The following PCNX2 variants were observed in gnomAD, a reference collection of about 807,000 sequenced individuals.
PCNX2 encodes pecanex-like protein 2.
A neutral mutation model predicts 223.8 loss-of-function variants in PCNX2; 168 were observed. The observed-to-expected ratio is 0.75, with a 90% CI of 0.66 to 0.85. The LOEUF (loss-of-function observed/expected upper bound fraction) is 0.85, where lower values mean the gene tolerates loss of function less well. PCNX2 is among the 40% of genes least tolerant of loss of function. The pLI is 0.00. For missense variants in PCNX2, 2,507 were observed against 2,675.5 expected (o/e 0.94, Z 1.39); for synonymous variants, 1,006 against 1,052.6 (o/e 0.96, Z 0.86).
intron 23 of PCNX2, among the ~76,000 whole-genome samples, chr1:233,061,952 T>C (rs1275094953): frequency 6.6e-6 from 1 of 152,018 alleles, no homozygotes; most frequent in Non-Finnish European, 1.5e-5. Flanking sequence ...AGAGATGGGG[T>C]TTCACCATGT....
intron 23 of PCNX2, among the ~76,000 whole-genome samples, chr1:233,086,442 G>C (rs1410759974): frequency 1.3e-5 from 2 of 152,082 alleles, no homozygotes; most frequent in African/African-American, 2.4e-5. Context: ...TGGATCACAA[G>C]GTCAGGAGAT....
Position 233,139,902 on chromosome 1 carries a change from T to C in PCNX2, c.3518-47A>G, listed in dbSNP as rs775422988. The C allele has an allele frequency of 3.3e-5, 52 of 1,588,132 alleles. 3 individuals carry two copies. The South Asian group carries it at 5.6e-4, about 17-fold the overall frequency. On this transcript the variant is annotated intron_variant, in intron 19 of 33. Transcript: ENST00000258229. This position sits in a 1 kb window ranked among gnomAD's most constrained non-coding sequence, Gnocchi z 4.4. ...CTTAGAACAACCACCGATCAAAGTATTTTTCTTTAAGTACAGGTAATAATA... is the reference window on the plus strand; with the variant it reads ...CTTAGAACAACCACCGATCAAAGTACTTTTCTTTAAGTACAGGTAATAATA...
intron 22 of PCNX2, among the ~76,000 whole-genome samples, chr1:233,090,799 G>C (rs1673834136): frequency 6.6e-6 from 1 of 152,094 alleles, no homozygotes; most frequent in Non-Finnish European, 1.5e-5. Flanking sequence ...GGGCCAAGTT[G>C]CTTCTTTAGG....
intron 23 of PCNX2, among the ~76,000 whole-genome samples, chr1:233,078,881 A>G (rs911143404): frequency 2.6e-5 from 4 of 152,226 alleles, no homozygotes; most frequent in Non-Finnish European, 4.4e-5. Flanking sequence ...TATGTGTATA[A>G]TAGTTCATTT....
intron 21 of PCNX2, among the ~76,000 whole-genome samples, chr1:233,116,750 A>G (rs1194376806): frequency 6.6e-6 from 1 of 152,068 alleles, no homozygotes; most frequent in Non-Finnish European, 1.5e-5. Flanking sequence ...CCCCCCCAAA[A>G]AGAAGAGCAA....
At chr1:233,009,693 T>C (rs1356125901) in intron 28 of PCNX2, among the ~76,000 whole-genome samples, 1 of 152,154 alleles carries the variant, frequency 6.6e-6, no homozygotes, top group Admixed American at 6.5e-5. Context: ...GATTTCCAAA[T>C]CCAAGATCTA....
chr1:233,179,108 GAAAGGGCGACC>G lies in PCNX2; in HGVS notation c.3123_3133del (p.Leu1041PhefsTer10), dbSNP rs777279638. ...ACTGCTCTGACGGCTCAGATGGTAA[GAAAGGGCGACC>G]AAGAGGCCACAGAAGGCCGAAAACA... is the stretch of plus-strand genomic sequence containing the variant. On this transcript the variant is annotated frameshift_variant, in exon 16 of 34. Transcript: ENST00000258229. LOFTEE classifies it high-confidence loss of function. 2.5e-6 allele frequency: 4 copies of G among 1,613,928 alleles called. No individual in the cohort carries two copies. Among genetic ancestry groups the G allele is most frequent in the Non-Finnish European group, 3.4e-6 (4 of 1,179,848 alleles).
intron 21 of PCNX2, among the ~76,000 whole-genome samples, chr1:233,116,739 G>GC (rs1392227167): frequency 1.3e-5 from 2 of 151,628 alleles, no homozygotes; most frequent in Non-Finnish European, 2.9e-5. Context: ...CACCTCAAGA[G>GC]CCCCCCCAAA....
chr1:233,093,168 C>A (rs931394848), intron 22 of PCNX2, among the ~76,000 whole-genome samples: 1 of 152,170 alleles, frequency 6.6e-6, no homozygotes, highest in African/African-American at 2.4e-5. Flanking sequence ...AAGTAGAAAG[C>A]AGCCCTCCCA....
chr1:233,076,368 A>G (rs1475668336), intron 23 of PCNX2, among the ~76,000 whole-genome samples: 3 of 152,182 alleles, frequency 2.0e-5, no homozygotes, highest in Non-Finnish European at 2.9e-5. Context: ...AGAAACTATG[A>G]TCTTTAGCAA....
At chr1:233,107,214 A>AC (rs371695786) in intron 21 of PCNX2, among the ~76,000 whole-genome samples, 18,054 of 150,284 alleles carry the variant, frequency 0.12, 1,173 homozygotes, top group East Asian at 0.2. Flanking sequence ...CACACACACA[A>AC]AACCATGCAC....
chr1:233,127,216 C>G (rs559057141), intron 21 of PCNX2, among the ~76,000 whole-genome samples: 1 of 152,138 alleles, frequency 6.6e-6, no homozygotes, highest in Admixed American at 6.5e-5. Context: ...CTCTGTAGCA[C>G]GGCACGCTGG....
chr1:233,160,636 G>A lies in PCNX2; in HGVS notation c.3367-203C>T, dbSNP rs535610337. On this transcript the variant is annotated intron_variant, in intron 18 of 33. Coordinates refer to ENST00000258229, the MANE Select transcript of PCNX2 (RefSeq NM_014801.4). ...GTTGGAAACCACTATGAGGGTGAGG[G>A]AGAACTAGCCTATGGAATACAGAGG... is the stretch of plus-strand genomic sequence containing the variant. Among the ~76,000 whole-genome samples the A allele has an allele frequency of 2.7e-5, 3 of 110,422 alleles. No homozygotes were observed. The South Asian group carries it at 1.0e-3, about 39-fold the overall frequency. 72.4% of individuals were successfully genotyped at this position (110,422 alleles called of 152,430 possible). A position where few individuals can be genotyped will look rare whatever the true frequency, so the allele number is the denominator to read the frequency against.
chr1:233,187,073 A>G (rs1338614638), intron 15 of PCNX2, among the ~76,000 whole-genome samples: 1 of 152,242 alleles, frequency 6.6e-6, no homozygotes, highest in Non-Finnish European at 1.5e-5. Context: ...CTGTGACTTC[A>G]AGGAGCAATG....
the PCNX2 span, among the ~76,000 whole-genome samples, chr1:233,318,568 T>TC: frequency 8.5e-5 from 12 of 140,454 alleles, no homozygotes; most frequent in East Asian, 2.3e-4. Flanking sequence ...TTTTTCTTTT[T>TC]TTTTTTTTTT....
chr1:233,106,385 CT>C (rs1223647709), intron 21 of PCNX2, among the ~76,000 whole-genome samples: 2 of 138,312 alleles, frequency 1.4e-5, no homozygotes, highest in Non-Finnish European at 3.0e-5. Flanking sequence ...TGGAATCTCG[CT>C]GTGTTGCCCA....
intron 23 of PCNX2, among the ~76,000 whole-genome samples, chr1:233,077,431 C>A (rs964384708): frequency 6.6e-6 from 1 of 152,164 alleles, no homozygotes; most frequent in Non-Finnish European, 1.5e-5. Context: ...AAAACACCCT[C>A]AGAAGCCTTC....
intron 1 of PCNX2, among the ~76,000 whole-genome samples, chr1:233,277,527 TG>T (rs1471655069): frequency 6.6e-6 from 1 of 150,754 alleles, no homozygotes; most frequent in Non-Finnish European, 1.5e-5. Flanking sequence ...AACACCTAAA[TG>T]GGGAGATCAG....
rs145788300 is a variant in PCNX2 at position 233,179,227 on chromosome 1, A to G, written c.3067-52T>C. On this transcript the variant is annotated intron_variant, in intron 15 of 33. Coordinates refer to ENST00000258229, the MANE Select transcript of PCNX2 (RefSeq NM_014801.4). ...GTCACTCCACAGCTGTGTGAATAGC[A>G]GGATCTCTATCAGACATTTAGAAAT... 2.3e-3 allele frequency: 3,544 copies of G among 1,561,534 alleles called. 11 individuals are homozygous for G. Among genetic ancestry groups the G allele is most frequent in the Non-Finnish European group, 2.7e-3 (3,082 of 1,134,382 alleles).
Sources: allele counts gnomAD v4.1 joint callset (sites outside exome capture counted in the v4.1 genomes callset), GRCh38; gene constraint gnomAD v4.1.1; non-coding constraint Gnocchi (gnomAD v3.1); transcripts MANE v1.5; gene names NCBI Gene and HGNC (gene_info 2026-07-23, HGNC 2026-07-21).